LRBA: variants seen among roughly 807,000 people sequenced by gnomAD.
LRBA encodes the protein lipopolysaccharide-responsive and beige-like anchor protein.
A neutral mutation model predicts 330.0 loss-of-function variants in LRBA; 176 were observed. The observed-to-expected ratio is 0.53, with a 90% confidence interval of 0.47 to 0.60. LRBA has a LOEUF of 0.60. Among genes scored for constraint, LRBA ranks in the 20% least tolerant of loss-of-function variants. The pLI is 0.00. For synonymous variants in LRBA, 1,230 were observed against 1,193.0 expected (o/e 1.03, Z -0.64); for missense variants, 3,259 against 3,444.8 (o/e 0.95, Z 1.35).
At chr4:150,900,840 T>C (rs191938476) in intron 13 of LRBA, among the ~76,000 whole-genome samples, 88 of 152,328 alleles carry the variant, frequency 5.8e-4, no homozygotes, top group African/African-American at 2.1e-3. Flanking sequence ...ATGTATATCA[T>C]GTCCCCCAAT....
intron 2 of LRBA, among the ~76,000 whole-genome samples, chr4:150,946,015 G>A (rs1417928296): frequency 6.6e-6 from 1 of 152,052 alleles, no homozygotes; most frequent in Non-Finnish European, 1.5e-5. Flanking sequence ...AGCCAGGATG[G>A]TCTCAAACTC....
intron 40 of LRBA, among the ~76,000 whole-genome samples, chr4:150,514,315 A>C (rs1319752186): frequency 1.3e-5 from 2 of 152,064 alleles, no homozygotes; most frequent in East Asian, 3.9e-4. Flanking sequence ...CAGGTGATCC[A>C]CCCGCCTTGG....
intron 13 of LRBA, among the ~76,000 whole-genome samples, chr4:150,903,590 A>C (rs1437477831): frequency 6.6e-6 from 1 of 151,326 alleles, no homozygotes; most frequent in Non-Finnish European, 1.5e-5. Flanking sequence ...AAATACAAAA[A>C]TTAGCTGTGT....
rs76404223 is a variant in LRBA, at chr4:150,695,660, G to A, written c.5755-11943C>T. Among the ~76,000 whole-genome samples, 1,115 of 152,184 alleles carry A rather than the reference G, an allele frequency of 7.3e-3. 6 individuals are homozygous for A. Among genetic ancestry groups the A allele is most frequent in the African/African-American group, 0.025 (1,046 of 41,544 alleles). On this transcript the variant is annotated intron_variant, in intron 36 of 56. Coordinates refer to ENST00000651943, the MANE Select transcript of LRBA (RefSeq NM_001364905.1). ...TGCAGTTAGTCCTGGAACCAATTCCGCATGGATCCAGAGGGATGACTGTGT... is the reference window on the plus strand; with the variant it reads ...TGCAGTTAGTCCTGGAACCAATTCCACATGGATCCAGAGGGATGACTGTGT...
At chr4:150,801,364 T>A (rs1186918618) in intron 33 of LRBA, among the ~76,000 whole-genome samples, 2 of 152,220 alleles carry the variant, frequency 1.3e-5, no homozygotes, top group African/African-American at 2.4e-5. Context: ...TCATAAATTC[T>A]GGTTTTCCTT....
In LRBA at chr4:150,984,776, C is replaced by T. The variant is rs995342236; in HGVS notation, c.216+29651G>A. ...GAGACGCATTTGGGTTTTATTATAACGTATTCACACCTTAAGGAAGGAGAA... is the reference window on the plus strand; with the variant it reads ...GAGACGCATTTGGGTTTTATTATAATGTATTCACACCTTAAGGAAGGAGAA... On this transcript the variant is annotated intron_variant, in intron 2 of 56. Coordinates refer to ENST00000651943, the MANE Select transcript of LRBA (RefSeq NM_001364905.1). Among the ~76,000 whole-genome samples, 5 of 151,920 alleles carry T rather than the reference C, an allele frequency of 3.3e-5. No homozygotes were observed. The East Asian group carries it at 5.8e-4, about 18-fold the overall frequency.
chr4:150,265,907 G>A, intron 56 of LRBA, 95 bp from the exon 57 acceptor site: 2 of 758,250 alleles, frequency 2.6e-6, no homozygotes, highest in South Asian at 3.0e-5. Flanking sequence ...GGTAAATATA[G>A]AAGCTGGCAG....
intron 37 of LRBA, among the ~76,000 whole-genome samples, chr4:150,613,578 C>T (rs1314050584): frequency 6.6e-6 from 1 of 152,206 alleles, no homozygotes; most frequent in Non-Finnish European, 1.5e-5. Context: ...CATGAAGAAT[C>T]ATTTTAGGAG....
chr4:150,554,826 T>C (rs970901937), intron 40 of LRBA, among the ~76,000 whole-genome samples: 1 of 152,166 alleles, frequency 6.6e-6, no homozygotes, highest in Non-Finnish European at 1.5e-5. Context: ...TCCTTCTTAA[T>C]GATGTTCTAT....
At chr4:150,736,453 AAAAT>A (rs1731187492) in intron 35 of LRBA, among the ~76,000 whole-genome samples, 1 of 152,122 alleles carries the variant, frequency 6.6e-6, no homozygotes, top group Non-Finnish European at 1.5e-5. Context: ...GAACTGAAAA[AAAAT>A]AAATAAATAT....
chr4:150,516,215 CTCTTTTTTTTTT>C (rs1157632405), intron 40 of LRBA, among the ~76,000 whole-genome samples: 27 of 86,676 alleles, frequency 3.1e-4, no homozygotes, highest in East Asian at 1.1e-3. Flanking sequence ...ATTTTCTATT[CTCTTTTTTTTTT>C]TTTTTTTTTT....
At chr4:150,444,501 C>T (rs1752332055) in intron 44 of LRBA, among the ~76,000 whole-genome samples, 1 of 152,214 alleles carries the variant, frequency 6.6e-6, no homozygotes, top group Admixed American at 6.5e-5. Flanking sequence ...GCCTGATCAG[C>T]ATTTTCACTC....
intron 40 of LRBA, among the ~76,000 whole-genome samples, chr4:150,564,189 T>C (rs1561359388): frequency 6.6e-6 from 1 of 152,012 alleles, no homozygotes; most frequent in Admixed American, 6.6e-5. Flanking sequence ...AAAACAGATA[T>C]ATAAGACCAA....
rs775170626 is a variant in LRBA, at chr4:150,599,067, C to A, written c.5986G>T (p.Val1996Leu). The A allele has an allele frequency of 2.5e-6, 4 of 1,613,932 alleles. No individual in the cohort carries two copies. In the African/African-American group the frequency reaches 5.3e-5, roughly 22 times the overall value. ...EDDLRRRRRF[V>L]RNPLGSTHPE... ...TGTGTCGATCCTAGAGGGTTACGCACAAATCGTCGCCGGCGCCGCAAGTCA... is the reference window on the plus strand; with the variant it reads ...TGTGTCGATCCTAGAGGGTTACGCAAAAATCGTCGCCGGCGCCGCAAGTCA... The change falls in exon 38 of 57, where the codon GTG (valine) becomes TTG (leucine). Residue 1996 changes from valine (V) to leucine (L), a missense_variant. Transcript: ENST00000651943.
rs761235407 is a variant in LRBA, at chr4:150,761,850, AT to A, written c.5581-4del. ...TTCTGAATAGAATTTTGCCACTCCT[AT>A]AAAAAAAAAAGCAAAAATAGCTGAA... On this transcript the variant is annotated splice_region_variant and splice_polypyrimidine_tract_variant and intron_variant, in intron 34 of 56. Coordinates refer to ENST00000651943, the MANE Select transcript of LRBA (RefSeq NM_001364905.1). 3 of 1,508,434 alleles carry A rather than the reference AT, an allele frequency of 2.0e-6. No individual in the cohort carries two copies. Among genetic ancestry groups the A allele is most frequent in the Non-Finnish European group, 2.7e-6 (3 of 1,126,190 alleles). The allele number at this position is 1,508,434 out of a possible 1,614,324, so 93.4% of individuals were successfully genotyped here. A position where few individuals can be genotyped will look rare whatever the true frequency, so the allele number is the denominator to read the frequency against.
At position 150,851,051 on chromosome 4, in the gene LRBA, T is replaced by A. The variant is rs78072611; in HGVS notation, c.3826-149A>T. 5,323 of 558,828 alleles carry A rather than the reference T, an allele frequency of 9.5e-3. 227 individuals are homozygous for A. Among genetic ancestry groups the A allele is most frequent in the African/African-American group, 0.092 (4,837 of 52,502 alleles). The allele number at this position is 558,828 out of a possible 1,614,324, so 34.6% of individuals were successfully genotyped here. A position where few individuals can be genotyped will look rare whatever the true frequency, so the allele number is the denominator to read the frequency against. On this transcript the variant is annotated intron_variant, in intron 23 of 56. Transcript: ENST00000651943. Reference sequence around the variant, plus strand: ...AAATTAGAGAAAGAAAAATTATCAATGAGTAATAACATTAACATTTTAGTA... The same window carrying A: ...AAATTAGAGAAAGAAAAATTATCAAAGAGTAATAACATTAACATTTTAGTA...
chr4:150,968,428 G>A (rs1739150752), intron 2 of LRBA, among the ~76,000 whole-genome samples: 3 of 152,250 alleles, frequency 2.0e-5, no homozygotes. Context: ...CAAAGGGAAA[G>A]TTCTTGAAGG....
chr4:150,642,829 T>C (rs1778805862), intron 37 of LRBA, among the ~76,000 whole-genome samples: 2 of 151,880 alleles, frequency 1.3e-5, no homozygotes, highest in African/African-American at 2.4e-5. Flanking sequence ...TTGTTTATTA[T>C]GGTTACAAAC....
chr4:150,906,011 A>C, intron 12 of LRBA, 21 bp from the exon 13 acceptor site: 2 of 1,606,646 alleles, frequency 1.2e-6, no homozygotes, highest in Non-Finnish European at 1.7e-6. Context: ...AGTAGTTCAA[A>C]TGTTACCACA....
Sources: gnomAD v4.1 joint callset for allele counts (sites outside exome capture counted in the v4.1 genomes callset) on GRCh38, gnomAD v4.1.1 for gene constraint, MANE v1.5 for transcripts, NCBI Gene and HGNC (gene_info 2026-07-23, HGNC 2026-07-21) for gene names.